EPHA5: variants seen among roughly 807,000 people sequenced by gnomAD.
EPHA5 encodes EPH receptor A5.
Under a neutral mutation model 105.0 loss-of-function variants are expected in EPHA5, and 60 were observed. The ratio of observed to expected loss-of-function variants is 0.57; its 90% confidence interval spans 0.46 to 0.71. EPHA5 has a LOEUF of 0.71. Among genes scored for constraint, EPHA5 ranks in the 30% least tolerant of loss-of-function variants. The pLI, the probability that EPHA5 is intolerant of heterozygous loss-of-function variation, is 0.00. For missense variants in EPHA5, 1,218 were observed against 1,274.7 expected, an observed-to-expected ratio of 0.96 and a Z score of 0.68; for synonymous variants, 513 against 449.1, an observed-to-expected ratio of 1.14 and a Z score of -1.80.
intron 3 of EPHA5, among the ~76,000 whole-genome samples, chr4:65,508,402 G>C (rs1429395846): frequency 3.9e-5 from 6 of 152,058 alleles, no homozygotes; most frequent in Admixed American, 1.3e-4. Context: ...AAAAGGATAT[G>C]CAAGGTCTTG....
At chr4:65,554,981 CAAAAAAAAAAAAAAAA>C (rs71205383) in intron 3 of EPHA5, among the ~76,000 whole-genome samples, 18 of 92,620 alleles carry the variant, frequency 1.9e-4, no homozygotes, top group South Asian at 1.2e-3. Context: ...TATACAACAG[CAAAAAAAAAAAAAAAA>C]AAAAAAAAAA....
chr4:65,401,099 G>C (rs1419989315), intron 8 of EPHA5, among the ~76,000 whole-genome samples: 1 of 151,668 alleles, frequency 6.6e-6, no homozygotes, highest in African/African-American at 2.4e-5. Context: ...TCATGTTTTA[G>C]CACAGAGAGA....
intron 11 of EPHA5, among the ~76,000 whole-genome samples, chr4:65,357,375 AC>A (rs1723402020): frequency 6.6e-6 from 1 of 151,502 alleles, no homozygotes; most frequent in Non-Finnish European, 1.5e-5. Flanking sequence ...TGAGATGTCT[AC>A]AAATTCAAAA....
At chr4:65,634,540 A>G (rs757641959) in intron 2 of EPHA5, among the ~76,000 whole-genome samples, 11 of 152,204 alleles carry the variant, frequency 7.2e-5, no homozygotes, top group Non-Finnish European at 8.8e-5. Context: ...TCTAGCTTGA[A>G]TTCCATAAAT....
intron 8 of EPHA5, among the ~76,000 whole-genome samples, chr4:65,381,144 T>A (rs1478056547): frequency 6.6e-6 from 1 of 151,064 alleles, no homozygotes; most frequent in African/African-American, 2.5e-5. Context: ...GGGCAAAGAG[T>A]GAGCTATATT....
chr4:65,480,827 C>T (rs1192401601), intron 5 of EPHA5, among the ~76,000 whole-genome samples: 5 of 151,682 alleles, frequency 3.3e-5, no homozygotes, highest in Non-Finnish European at 7.4e-5. Flanking sequence ...TCTATTTCAA[C>T]TAGCCAGAGT....
intron 2 of EPHA5, among the ~76,000 whole-genome samples, chr4:65,641,899 A>G (rs1345661518): frequency 1.3e-5 from 2 of 152,084 alleles, no homozygotes; most frequent in African/African-American, 4.8e-5. Context: ...CACTCCCAAT[A>G]CAGAAGGATT....
At chr4:65,646,771 C>T (rs150086570) in intron 1 of EPHA5, among the ~76,000 whole-genome samples, 45 of 151,932 alleles carry the variant, frequency 3.0e-4, no homozygotes, top group African/African-American at 9.7e-4. Context: ...CTTTTTGAAC[C>T]AAAATAATAC....
chr4:65,341,729 A>T (rs1050035084), intron 14 of EPHA5, among the ~76,000 whole-genome samples: 2 of 152,118 alleles, frequency 1.3e-5, no homozygotes, highest in East Asian at 3.9e-4. Flanking sequence ...CAGGAAGATT[A>T]GGAAGATTAT....
chr4:65,368,328 T>C (rs1383237393), intron 8 of EPHA5, among the ~76,000 whole-genome samples: 1 of 152,144 alleles, frequency 6.6e-6, no homozygotes, highest in Non-Finnish European at 1.5e-5. Flanking sequence ...ATTTATTTTA[T>C]AGGGGTATTC....
Position 65,650,163 on chromosome 4 carries a change from C to G in EPHA5, c.182-6736G>C, listed in dbSNP as rs1444724780. On this transcript the variant is annotated intron_variant, in intron 1 of 16. Transcript: ENST00000613740. ...ATAATCATCCCCAAATTCAGCCTGC[C>G]CCCAAATGAACAAAGTATCTTCTCT... is the stretch of plus-strand genomic sequence containing the variant. Among the ~76,000 whole-genome samples the G allele has an allele frequency of 3.3e-5, 5 of 152,140 alleles. No individual in the cohort carries two copies. The South Asian group carries it at 8.3e-4, about 25-fold the overall frequency.
At chr4:65,410,260 A>T (rs1262917973) in intron 7 of EPHA5, among the ~76,000 whole-genome samples, 1 of 152,236 alleles carries the variant, frequency 6.6e-6, no homozygotes, top group Non-Finnish European at 1.5e-5. Flanking sequence ...TATACACCAC[A>T]ATCTGGATCA....
intron 3 of EPHA5, among the ~76,000 whole-genome samples, chr4:65,556,327 C>T (rs1024309029): frequency 6.6e-6 from 1 of 152,142 alleles, no homozygotes; most frequent in African/African-American, 2.4e-5. Context: ...GCAATTCACC[C>T]TCTCACTAGT....
chr4:65,669,314 C>T, intron 1 of EPHA5: 2 of 866,250 alleles, frequency 2.3e-6, no homozygotes, highest in South Asian at 5.3e-5. Context: ...ACCTTCCCAG[C>T]CCCCCAACCA....
intron 5 of EPHA5, among the ~76,000 whole-genome samples, chr4:65,459,938 A>AG (rs1437414464): frequency 6.6e-6 from 1 of 151,806 alleles, no homozygotes; most frequent in African/African-American, 2.4e-5. Context: ...ATTAAAAAGG[A>AG]GAAAAATGTG....
chr4:65,637,774 A>T (rs1394801731), intron 2 of EPHA5, among the ~76,000 whole-genome samples: 1 of 151,754 alleles, frequency 6.6e-6, no homozygotes, highest in Non-Finnish European at 1.5e-5. Context: ...TTTATGCCCC[A>T]TTTTATAAAT....
chr4:65,364,178 T>C (rs1009285498), intron 11 of EPHA5, among the ~76,000 whole-genome samples: 11 of 151,640 alleles, frequency 7.3e-5, no homozygotes, highest in Admixed American at 5.3e-4. Flanking sequence ...ATTTTATTCT[T>C]TTCCTACATT....
At chr4:65,348,694 AT>A (rs1722480632) in intron 13 of EPHA5, among the ~76,000 whole-genome samples, 7 of 27,990 alleles carry the variant, frequency 2.5e-4, no homozygotes, top group Non-Finnish European at 3.4e-4. Flanking sequence ...ATATATATAT[AT>A]ATAAAATATA....
chr4:65,551,495 G>A (rs1329917111), intron 3 of EPHA5, among the ~76,000 whole-genome samples: 3 of 152,000 alleles, frequency 2.0e-5, no homozygotes, highest in Non-Finnish European at 4.4e-5. Flanking sequence ...AACAAGATAA[G>A]CAACATATTT....
Sources: allele counts gnomAD v4.1 joint callset (sites outside exome capture counted in the v4.1 genomes callset), GRCh38; gene constraint gnomAD v4.1.1; transcripts MANE v1.5; gene names NCBI Gene and HGNC (gene_info 2026-07-23, HGNC 2026-07-21).